The following CCDC171 variants were observed in gnomAD, a reference collection of about 807,000 sequenced individuals.
CCDC171 encodes coiled-coil domain-containing protein 171.
A neutral mutation model predicts 168.2 loss-of-function variants in CCDC171; 177 were observed. The ratio of observed to expected loss-of-function variants is 1.05; its 90% confidence interval spans 0.93 to 1.19. CCDC171 has a LOEUF of 1.19. Among genes scored for constraint, CCDC171 ranks in the 50% most tolerant of loss-of-function variants. The pLI is 0.00. For synonymous variants in CCDC171, 687 were observed against 540.8 expected (o/e 1.27, Z -3.75); for missense variants, 1,991 against 1,539.0 (o/e 1.29, Z -4.91).
At chr9:15,840,159 C>G (rs2060616441) in intron 21 of CCDC171, among the ~76,000 whole-genome samples, 1 of 152,030 alleles carries the variant, frequency 6.6e-6, no homozygotes, top group African/African-American at 2.4e-5. Flanking sequence ...CTTCTATCAC[C>G]AAAACAATTC....
At chr9:15,994,007 A>T (rs1832290845) in intron 3 of CCDC171, among the ~76,000 whole-genome samples, 1 of 152,236 alleles carries the variant, frequency 6.6e-6, no homozygotes, top group Non-Finnish European at 1.5e-5. Flanking sequence ...AACTAGTTCA[A>T]CCACTGTGGA....
chr9:15,664,616 T>A (rs2048588642), intron 8 of CCDC171, among the ~76,000 whole-genome samples: 1 of 116,956 alleles, frequency 8.6e-6, no homozygotes, highest in Non-Finnish European at 1.8e-5. Context: ...GTAGCCTTTT[T>A]ACAGCTACAT....
At chr9:15,904,959 C>T (rs1288521770) in intron 24 of CCDC171, among the ~76,000 whole-genome samples, 1 of 151,986 alleles carries the variant, frequency 6.6e-6, no homozygotes, top group Non-Finnish European at 1.5e-5. Flanking sequence ...ATCAATTCAA[C>T]AAGAAGAGCT....
intron 8 of CCDC171, among the ~76,000 whole-genome samples, chr9:15,662,418 G>A (rs1411398891): frequency 6.6e-6 from 1 of 152,074 alleles, no homozygotes; most frequent in Admixed American, 6.6e-5. Context: ...ATTTCCTGGT[G>A]AGTTTATCTT....
chr9:16,063,821 CAAAG>C (rs1833962278), downstream of CCDC171, among the ~76,000 whole-genome samples: 1 of 152,156 alleles, frequency 6.6e-6, no homozygotes, highest in African/African-American at 2.4e-5. Flanking sequence ...AAGTACGACT[CAAAG>C]AAGTCAAGTG....
chr9:15,991,206 C>G (rs1210404335), intron 3 of CCDC171, among the ~76,000 whole-genome samples: 1 of 152,132 alleles, frequency 6.6e-6, no homozygotes, highest in Non-Finnish European at 1.5e-5. Flanking sequence ...TTTAAAAGAA[C>G]AGAAATTATA....
At chr9:15,836,498 T>C (rs1368138605) in intron 21 of CCDC171, among the ~76,000 whole-genome samples, 6 of 152,268 alleles carry the variant, frequency 3.9e-5, no homozygotes, top group South Asian at 2.1e-4. Context: ...CCCGAGTAGC[T>C]GGGACACCAC....
chr9:15,567,239 C>G (rs1184845799), intron 2 of CCDC171, among the ~76,000 whole-genome samples: 1 of 152,130 alleles, frequency 6.6e-6, no homozygotes, highest in Non-Finnish European at 1.5e-5. Context: ...GCAGGCTGGT[C>G]TTGAACTCCT....
At chr9:15,848,333 T>G (rs1019549445) in intron 22 of CCDC171, among the ~76,000 whole-genome samples, 37 of 152,144 alleles carry the variant, frequency 2.4e-4, no homozygotes, top group African/African-American at 8.9e-4. Context: ...TTATGAAGGC[T>G]AAATTCAATA....
At chr9:15,848,028 T>G (rs1009284245) in intron 22 of CCDC171, among the ~76,000 whole-genome samples, 1 of 152,046 alleles carries the variant, frequency 6.6e-6, no homozygotes, top group Non-Finnish European at 1.5e-5. Flanking sequence ...AGTTTCATCA[T>G]GTCAAATGAG....
At chr9:15,732,360 C>T (rs569479589) in intron 16 of CCDC171, among the ~76,000 whole-genome samples, 2 of 152,124 alleles carry the variant, frequency 1.3e-5, no homozygotes, top group East Asian at 3.9e-4. Flanking sequence ...TTTGTGTGTG[C>T]TGTTAGGAAG....
At chr9:15,670,201 C>A (rs983182899) in intron 9 of CCDC171, among the ~76,000 whole-genome samples, 1 of 152,120 alleles carries the variant, frequency 6.6e-6, no homozygotes, top group Non-Finnish European at 1.5e-5. Context: ...GAATGCTCAA[C>A]AGCAAGGTGT....
At chr9:15,612,531 C>T (rs2043774729) in intron 6 of CCDC171, among the ~76,000 whole-genome samples, 1 of 152,124 alleles carries the variant, frequency 6.6e-6, no homozygotes, top group Non-Finnish European at 1.5e-5. Flanking sequence ...GAACTGCAGT[C>T]TCACTTTTCA....
chr9:15,679,004 T>G lies in CCDC171; in HGVS notation c.1215+108T>G, dbSNP rs987351214. ...CCATGAGATAATAGTATGCAAGTTATTTTAGTGACATTGATAACAAAATTT... is the reference window on the plus strand; with the variant it reads ...CCATGAGATAATAGTATGCAAGTTAGTTTAGTGACATTGATAACAAAATTT... On this transcript the variant is annotated intron_variant, in intron 10 of 25. Coordinates refer to ENST00000380701, the MANE Select transcript of CCDC171 (RefSeq NM_173550.4). The G allele has an allele frequency of 3.3e-5, 25 of 760,172 alleles. 1 individual carries two copies. The African/African-American group carries it at 4.1e-4, about 12-fold the overall frequency. 47.1% of individuals were successfully genotyped at this position (760,172 alleles called of 1,614,324 possible).
chr9:15,797,188 A>T (rs1042942358), intron 21 of CCDC171, among the ~76,000 whole-genome samples: 1 of 152,114 alleles, frequency 6.6e-6, no homozygotes, highest in African/African-American at 2.4e-5. Flanking sequence ...TCTTTGTAAA[A>T]TATCTGTTCA....
intron 6 of CCDC171, among the ~76,000 whole-genome samples, chr9:15,612,509 G>C (rs924336330): frequency 2.0e-5 from 3 of 152,038 alleles, no homozygotes; most frequent in Non-Finnish European, 4.4e-5. Flanking sequence ...TTTAACTTAT[G>C]ATCTTCTGAT....
intron 3 of CCDC171, among the ~76,000 whole-genome samples, chr9:15,984,008 G>A (rs781565537): frequency 2.6e-4 from 27 of 104,608 alleles, no homozygotes; most frequent in Non-Finnish European, 4.7e-4. Flanking sequence ...CCTCTGCAGA[G>A]TAGAGACCAG....
At chr9:15,905,981 T>C (rs983196047) in intron 24 of CCDC171, among the ~76,000 whole-genome samples, 3 of 152,182 alleles carry the variant, frequency 2.0e-5, no homozygotes, top group African/African-American at 7.2e-5. Context: ...AGGAAGAAGC[T>C]GAATCTCTGA....
intron 8 of CCDC171, among the ~76,000 whole-genome samples, chr9:15,658,810 A>C (rs1305378716): frequency 1.3e-5 from 2 of 152,222 alleles, no homozygotes; most frequent in Non-Finnish European, 2.9e-5. Flanking sequence ...CTTTAGCCCC[A>C]GAAGACCCAT....
Sources: allele counts gnomAD v4.1 joint callset (sites outside exome capture counted in the v4.1 genomes callset), GRCh38; gene constraint gnomAD v4.1.1; transcripts MANE v1.5; gene names NCBI Gene and HGNC (gene_info 2026-07-23, HGNC 2026-07-21).